Variants in HIBADH observed in about 807,000 individuals in gnomAD.
HIBADH encodes 3-hydroxyisobutyrate dehydrogenase, mitochondrial.
Under a neutral mutation model 36.1 loss-of-function variants are expected in HIBADH, and 25 were observed. The observed-to-expected ratio is 0.69, with a 90% CI of 0.50 to 0.97. The LOEUF (loss-of-function observed/expected upper bound fraction) is 0.97. HIBADH is among the 50% of genes least tolerant of loss of function. The pLI, the probability that HIBADH is intolerant of heterozygous loss-of-function variation, is 0.00. For missense variants in HIBADH, 421 were observed against 418.0 expected, an observed-to-expected ratio of 1.01 and a Z score of -0.06; for synonymous variants, 160 against 149.5, an observed-to-expected ratio of 1.07 and a Z score of -0.51.
At chr7:27,589,077 A>C (rs1196831340) in intron 4 of HIBADH, among the ~76,000 whole-genome samples, 1 of 152,236 alleles carries the variant, frequency 6.6e-6, no homozygotes, top group Non-Finnish European at 1.5e-5. Flanking sequence ...ATCCCACAGG[A>C]ATGAATTTTA....
chr7:27,590,475 A>C (rs750643851), intron 4 of HIBADH, among the ~76,000 whole-genome samples: 3 of 152,156 alleles, frequency 2.0e-5, no homozygotes, highest in Admixed American at 6.5e-5. Flanking sequence ...TTTCCAAACC[A>C]TCTGAATAGT....
chr7:27,641,835 CTTCA>C (rs749296001), intron 2 of HIBADH, among the ~76,000 whole-genome samples: 2 of 151,686 alleles, frequency 1.3e-5, no homozygotes, highest in East Asian at 3.9e-4. Flanking sequence ...ACCTTTCTCA[CTTCA>C]TTCATCTGAA....
chr7:27,610,641 C>T (rs1339362127), intron 4 of HIBADH, among the ~76,000 whole-genome samples: 2 of 152,158 alleles, frequency 1.3e-5, no homozygotes, highest in Non-Finnish European at 2.9e-5. Context: ...GATAGCCCTT[C>T]CCCCTCCACA....
intron 1 of HIBADH, among the ~76,000 whole-genome samples, chr7:27,660,464 C>T (rs900533575): frequency 3.3e-5 from 5 of 152,214 alleles, no homozygotes; most frequent in Non-Finnish European, 5.9e-5. Context: ...GTGATAGAGA[C>T]CATCCTGGCT....
intron 2 of HIBADH, chr7:27,649,265 C>T (rs998626477): frequency 1.2e-5 from 5 of 403,562 alleles, no homozygotes; most frequent in African/African-American, 4.1e-5. Context: ...AAGTCACCTG[C>T]CAAAGAATAG....
intron 4 of HIBADH, among the ~76,000 whole-genome samples, chr7:27,574,514 T>A (rs112455862): frequency 6.6e-6 from 1 of 152,214 alleles, no homozygotes; most frequent in East Asian, 1.9e-4. Flanking sequence ...CTCTTTACCT[T>A]TTTTATTTGT....
intron 2 of HIBADH, among the ~76,000 whole-genome samples, chr7:27,642,455 T>C (rs1380904947): frequency 1.3e-5 from 2 of 152,176 alleles, no homozygotes; most frequent in Non-Finnish European, 2.9e-5. Context: ...ACTCAACCTG[T>C]TTTATTTCCC....
intron 2 of HIBADH, among the ~76,000 whole-genome samples, chr7:27,648,820 A>G (rs1583619420): frequency 6.6e-6 from 1 of 152,230 alleles, no homozygotes; most frequent in African/African-American, 2.4e-5. Flanking sequence ...AAAACACTAG[A>G]GATCCACTAT....
chr7:27,569,037 CTTCT>C (rs1784589522), intron 4 of HIBADH, among the ~76,000 whole-genome samples: 1 of 151,382 alleles, frequency 6.6e-6, no homozygotes, highest in South Asian at 2.1e-4. Flanking sequence ...TTACAGTCTT[CTTCT>C]TTTAGTCTGA....
At chr7:27,556,086 T>C (rs926859191) in intron 4 of HIBADH, among the ~76,000 whole-genome samples, 2 of 152,206 alleles carry the variant, frequency 1.3e-5, no homozygotes, top group South Asian at 2.1e-4. Context: ...ATTACAGTAT[T>C]TGAAAAAACG....
At chr7:27,648,030 T>C (rs930230808) in intron 2 of HIBADH, among the ~76,000 whole-genome samples, 1 of 152,234 alleles carries the variant, frequency 6.6e-6, no homozygotes, top group Non-Finnish European at 1.5e-5. Flanking sequence ...CTTGTTACTC[T>C]TACTAACAGA....
intron 4 of HIBADH, among the ~76,000 whole-genome samples, chr7:27,571,642 C>A (rs1236921828): frequency 6.6e-6 from 1 of 152,096 alleles, no homozygotes; most frequent in Non-Finnish European, 1.5e-5. Flanking sequence ...GTCTGGTGAC[C>A]TGTCTCCCTT....
At chr7:27,612,129 A>T (rs1785331579) in intron 4 of HIBADH, among the ~76,000 whole-genome samples, 1 of 152,130 alleles carries the variant, frequency 6.6e-6, no homozygotes. Flanking sequence ...CTTTGTATGA[A>T]CTGGAAAATA....
At chr7:27,590,203 T>C (rs964552171) in intron 4 of HIBADH, among the ~76,000 whole-genome samples, 1 of 152,164 alleles carries the variant, frequency 6.6e-6, no homozygotes, top group African/African-American at 2.4e-5. Context: ...GCAATGCATT[T>C]AGACTCAGCA....
chr7:27,633,223 A>C (rs1785779583), intron 2 of HIBADH, among the ~76,000 whole-genome samples: 1 of 152,148 alleles, frequency 6.6e-6, no homozygotes, highest in Non-Finnish European at 1.5e-5. Flanking sequence ...GCATGAGTAG[A>C]TGCACTGTTA....
At chr7:27,541,266 A>G (rs1237358634) in intron 5 of HIBADH, among the ~76,000 whole-genome samples, 1 of 152,084 alleles carries the variant, frequency 6.6e-6, no homozygotes, top group Non-Finnish European at 1.5e-5. Flanking sequence ...GGTTGGCAGA[A>G]GCTACTTCGC....
At chr7:27,645,667 C>T (rs1294885001) in intron 2 of HIBADH, among the ~76,000 whole-genome samples, 2 of 152,076 alleles carry the variant, frequency 1.3e-5, no homozygotes, top group African/African-American at 4.8e-5. Context: ...CAGGCATAAG[C>T]CACCTCACCC....
intron 4 of HIBADH, among the ~76,000 whole-genome samples, chr7:27,613,739 A>G (rs1583598004): frequency 6.6e-6 from 1 of 150,586 alleles, no homozygotes; most frequent in South Asian, 2.1e-4. Context: ...GCTCACTGCA[A>G]CCTCCACCTT....
intron 4 of HIBADH, 23 bp downstream of exon 4, chr7:27,629,348 C>T (rs1411700683): frequency 1.9e-6 from 3 of 1,606,046 alleles, no homozygotes; most frequent in Non-Finnish European, 1.7e-6. Flanking sequence ...AATAGGTTTG[C>T]ATATATTTTA....
Sources: gnomAD v4.1 joint callset for allele counts (sites outside exome capture counted in the v4.1 genomes callset) on GRCh38, gnomAD v4.1.1 for gene constraint, MANE v1.5 for transcripts, NCBI Gene and HGNC (gene_info 2026-07-23, HGNC 2026-07-21) for gene names.